The following SPIN1 variants were observed in gnomAD, a reference collection of about 807,000 sequenced individuals.
SPIN1 encodes spindlin-1.
A neutral mutation model predicts 26.0 loss-of-function variants in SPIN1; 3 were observed. The observed-to-expected ratio is 0.12, with a 90% CI of 0.05 to 0.30. SPIN1 has a LOEUF of 0.30. SPIN1 is among the 10% of genes least tolerant of loss of function. The pLI is 1.00. For missense variants in SPIN1, 126 were observed against 333.4 expected (o/e 0.38, Z 4.84); for synonymous variants, 101 against 116.5 (o/e 0.87, Z 0.86).
chr9:88,399,259 C>G (rs565548483), intron 1 of SPIN1, among the ~76,000 whole-genome samples: 1 of 152,010 alleles, frequency 6.6e-6, no homozygotes, highest in African/African-American at 2.4e-5. Flanking sequence ...GTCTTGAACT[C>G]CTGACCTCGT....
rs1828524311 is a variant in SPIN1, at chr9:88,458,838, C to T, written c.102-3658C>T. 2.0e-5 allele frequency among the ~76,000 whole-genome samples: 3 copies of T among 152,260 alleles called. No homozygotes were observed. The South Asian group carries it at 6.2e-4, about 32-fold the overall frequency. On this transcript the variant is annotated intron_variant, in intron 3 of 5. Transcript: ENST00000375859. ...AAACAGCCAGTCTGGAGGCAGAATT[C>T]CTTCCTCCTCCGAGGAGGCCAGTTT...
intron 1 of SPIN1, among the ~76,000 whole-genome samples, chr9:88,398,403 G>C (rs534419366): frequency 2.6e-4 from 39 of 152,048 alleles, no homozygotes; most frequent in Admixed American, 6.6e-4. Flanking sequence ...TCCTGTTTTT[G>C]CCTGTAATTA....
intron 5 of SPIN1, among the ~76,000 whole-genome samples, chr9:88,473,180 G>A (rs909573800): frequency 3.9e-5 from 6 of 152,094 alleles, no homozygotes; most frequent in Admixed American, 3.9e-4. Flanking sequence ...ATCACCTGAG[G>A]TCAGGAGTTC....
At chr9:88,416,964 C>T (rs1036504379) in intron 1 of SPIN1, among the ~76,000 whole-genome samples, 1 of 152,206 alleles carries the variant, frequency 6.6e-6, no homozygotes, top group African/African-American at 2.4e-5. Flanking sequence ...GAAACTATAG[C>T]AGAATGACCT....
chr9:88,419,329 C>G (rs916032126), intron 1 of SPIN1, among the ~76,000 whole-genome samples: 8 of 152,056 alleles, frequency 5.3e-5, no homozygotes, highest in Non-Finnish European at 7.4e-5. Flanking sequence ...TTTAAATTAG[C>G]CAATTGGAAA....
intron 4 of SPIN1, among the ~76,000 whole-genome samples, chr9:88,466,119 A>G (rs1043645999): frequency 9.9e-5 from 15 of 152,214 alleles, no homozygotes; most frequent in African/African-American, 3.6e-4. Flanking sequence ...TTATCTATGT[A>G]AACAGATGCT....
At chr9:88,473,537 G>A (rs548301950) in intron 5 of SPIN1, among the ~76,000 whole-genome samples, 2 of 152,284 alleles carry the variant, frequency 1.3e-5, no homozygotes, top group African/African-American at 4.8e-5. Flanking sequence ...TAGATAAATA[G>A]AGCAAGTCCT....
intron 5 of SPIN1, among the ~76,000 whole-genome samples, chr9:88,472,642 G>A (rs974513499): frequency 6.6e-5 from 10 of 152,024 alleles, no homozygotes; most frequent in African/African-American, 1.7e-4. Flanking sequence ...ACAGGCACAC[G>A]CCACCACGCC....
intron 3 of SPIN1, among the ~76,000 whole-genome samples, chr9:88,461,131 A>T (rs1200581865): frequency 1.3e-5 from 2 of 152,160 alleles, no homozygotes. Context: ...CCTCTGTCAT[A>T]CTTTCTGAGA....
At chr9:88,451,535 C>T (rs914320092) in intron 3 of SPIN1, among the ~76,000 whole-genome samples, 5 of 152,076 alleles carry the variant, frequency 3.3e-5, no homozygotes, top group African/African-American at 1.2e-4. Flanking sequence ...CAAACATTTG[C>T]ATTAAAAGTA....
At chr9:88,434,980 A>G (rs1189716346) in intron 2 of SPIN1, among the ~76,000 whole-genome samples, 4 of 149,678 alleles carry the variant, frequency 2.7e-5, no homozygotes, top group Non-Finnish European at 5.9e-5. Context: ...TGAACCCGGG[A>G]GGCGGAGGTT....
intron 1 of SPIN1, among the ~76,000 whole-genome samples, chr9:88,415,910 A>AT (rs34382784): frequency 0.026 from 3,373 of 131,638 alleles, 116 homozygotes; most frequent in African/African-American, 0.082. Flanking sequence ...TGCTCGGCTA[A>AT]TTTTTTTTTT....
intron 1 of SPIN1, among the ~76,000 whole-genome samples, chr9:88,421,151 CTT>C (rs1002407830): frequency 1.3e-5 from 2 of 152,204 alleles, no homozygotes; most frequent in Non-Finnish European, 2.9e-5. Flanking sequence ...GAGTCTACCT[CTT>C]TAAGCATTTC....
intron 2 of SPIN1, among the ~76,000 whole-genome samples, chr9:88,445,646 G>A (rs1323206708): frequency 5.3e-5 from 8 of 150,932 alleles, no homozygotes; most frequent in Admixed American, 4.6e-4. Flanking sequence ...GGGTTCAAGC[G>A]ATTCTCTTGC....
intron 1 of SPIN1, among the ~76,000 whole-genome samples, chr9:88,400,416 T>TA (rs2117901546): frequency 1.3e-5 from 2 of 152,310 alleles, no homozygotes; most frequent in South Asian, 4.1e-4. Flanking sequence ...GGTTCAGTGT[T>TA]ATAGTTCAAG....
At chr9:88,389,368 G>C (rs940263696) in intron 1 of SPIN1, 9 of 152,258 alleles carry the variant, frequency 5.9e-5, no homozygotes, top group African/African-American at 2.2e-4. Flanking sequence ...TGGCTTTCTC[G>C]AGCATTTTAT....
chr9:88,452,826 T>C lies in SPIN1; in HGVS notation c.101+3837T>C, dbSNP rs75436728. The stretch of plus-strand genomic sequence containing the variant: ...TTGCAAAAAGACAGTTATTTTGATT[T>C]AACCAGTCTTTTCTTCTAAAATCTA... On this transcript the variant is annotated intron_variant, in intron 3 of 5. Coordinates refer to ENST00000375859, the MANE Select transcript of SPIN1 (RefSeq NM_006717.3). 5.2e-3 allele frequency among the ~76,000 whole-genome samples: 796 copies of C among 152,330 alleles called. 19 individuals are homozygous for C. In the East Asian group the frequency reaches 0.054, roughly 10 times the overall value.
chr9:88,391,011 C>T (rs7042533), intron 1 of SPIN1, among the ~76,000 whole-genome samples: 1 of 152,212 alleles, frequency 6.6e-6, no homozygotes, highest in East Asian at 1.9e-4. Flanking sequence ...CCAAACTACC[C>T]ACTGTTTTCT....
intron 2 of SPIN1, among the ~76,000 whole-genome samples, chr9:88,435,051 C>CAAA (rs34421426): frequency 1.4e-5 from 1 of 71,650 alleles, no homozygotes; most frequent in African/African-American, 5.0e-5. Context: ...GACTCCAGCT[C>CAAA]AAAAAAAAAA....
Sources: gnomAD v4.1 joint callset for allele counts (sites outside exome capture counted in the v4.1 genomes callset) on GRCh38, gnomAD v4.1.1 for gene constraint, MANE v1.5 for transcripts, NCBI Gene and HGNC (gene_info 2026-07-23, HGNC 2026-07-21) for gene names.